The following CFLAR variants were observed in gnomAD, a reference collection of about 807,000 sequenced individuals.
The protein encoded by CFLAR is CASP8 and FADD like apoptosis regulator.
CFLAR carries 14 observed loss-of-function variants against 51.1 expected under a neutral mutation model. The observed-to-expected ratio is 0.27, with a 90% confidence interval of 0.18 to 0.43. The LOEUF is 0.43. CFLAR is among the 20% of genes least tolerant of loss of function. The pLI, the probability that CFLAR is intolerant of heterozygous loss-of-function variation, is 1.00. For missense variants in CFLAR, 390 were observed against 566.5 expected, an observed-to-expected ratio of 0.69 and a Z score of 3.16; for synonymous variants, 210 against 211.6, an observed-to-expected ratio of 0.99 and a Z score of 0.06.
In CFLAR at chr2:201,167,861, C is replaced by T. The variant is rs142194400; in HGVS notation, c.*3888C>T. 4.3e-4 allele frequency: 65 copies of T among 152,320 alleles called. No individual in the cohort carries two copies. Among genetic ancestry groups the T allele is most frequent in the African/African-American group, 1.3e-3 (55 of 41,556 alleles). The allele number at this position is 152,320 out of a possible 1,614,324, so 9.4% of individuals were successfully genotyped here. A position where few individuals can be genotyped will look rare whatever the true frequency, so the allele number is the denominator to read the frequency against. ...TCACTGTGTCAGCCCTAATTACCTA[C>T]CTCTGGACTTTTATGTGAGGGGAAA... is the stretch of plus-strand genomic sequence containing the variant. On this transcript the variant is annotated 3_prime_UTR_variant, in exon 10 of 10. Transcript: ENST00000309955.
intron 5 of CFLAR, chr2:201,141,954 C>T (rs1135266): frequency 0.055 from 8,306 of 152,142 alleles, 349 homozygotes; most frequent in Non-Finnish European, 0.087. Flanking sequence ...TCAGTTTTTG[C>T]CAGAAAGCCC....
Position 201,176,159 on chromosome 2 carries a change from G to C in CFLAR, c.*12186G>C, listed in dbSNP as rs773763671. ...GGTGACCTGAGAAACCAGGTGCAGG[G>C]CTTGCCCTCTTGACTTGGGGTTTTA... On this transcript the variant is annotated 3_prime_UTR_variant, in exon 10 of 10. Coordinates refer to ENST00000309955, the MANE Select transcript of CFLAR (RefSeq NM_003879.7). 2 of 152,064 alleles carry C rather than the reference G, an allele frequency of 1.3e-5. No individual in the cohort carries two copies. The highest frequency in any genetic ancestry group is 2.4e-5 in the African/African-American group (1 of 41,378). The allele number at this position is 152,064 out of a possible 1,614,324, so 9.4% of individuals were successfully genotyped here.
chr2:201,133,013 C>A lies in CFLAR; in HGVS notation c.282-16C>A. On this transcript the variant is annotated splice_polypyrimidine_tract_variant and intron_variant, in intron 2 of 9. Transcript: ENST00000309955. ...CTGATGTCTGAATTAACTAAATGAACTTGTCTGGTTTGCAGAGTGCTGATG... is the reference window on the plus strand; with the variant it reads ...CTGATGTCTGAATTAACTAAATGAAATTGTCTGGTTTGCAGAGTGCTGATG... 1 of 1,605,162 alleles carries A rather than the reference C, an allele frequency of 6.2e-7. No homozygotes were observed. The highest frequency in any genetic ancestry group is 8.5e-7 in the Non-Finnish European group (1 of 1,172,512).
Position 201,133,012 on chromosome 2 carries a change from A to G in CFLAR, c.282-17A>G. The G allele has an allele frequency of 1.2e-6, 2 of 1,606,016 alleles. No homozygotes were observed. The highest frequency in any genetic ancestry group is 1.1e-5 in the South Asian group (1 of 90,518). On this transcript the variant is annotated splice_polypyrimidine_tract_variant and intron_variant, in intron 2 of 9. Coordinates refer to ENST00000309955, the MANE Select transcript of CFLAR (RefSeq NM_003879.7). ...ACTGATGTCTGAATTAACTAAATGAACTTGTCTGGTTTGCAGAGTGCTGAT... is the reference window on the plus strand; with the variant it reads ...ACTGATGTCTGAATTAACTAAATGAGCTTGTCTGGTTTGCAGAGTGCTGAT...
Position 201,160,763 on chromosome 2 carries a change from G to A in CFLAR, c.1125G>A (p.Val375=), listed in dbSNP as rs151223777. The A allele has an allele frequency of 2.0e-3, 3,256 of 1,614,100 alleles. 75 individuals carry two copies. The Admixed American group carries it at 0.033, about 16-fold the overall frequency. ...TGGAGGACAGCAGCCTCTTGGAGGT[G>A]GATGGGCCAGCGATGAAGAATGTGG... The part of the protein sequence containing the change: ...GQLEDSSLLE[V]DGPAMKNVEF... Residue 375 remains valine (V), a synonymous_variant, in exon 9 of 10, where the codon GTG becomes GTA. Coordinates refer to ENST00000309955, the MANE Select transcript of CFLAR (RefSeq NM_003879.7).
chr2:201,146,517 A>T (rs546251721), intron 6 of CFLAR: 1 of 152,364 alleles, frequency 6.6e-6, no homozygotes, highest in East Asian at 1.9e-4. Flanking sequence ...TGCTGACCTC[A>T]AGTAATCCAC....
chr2:201,169,708 T>G lies in CFLAR; in HGVS notation c.*5735T>G, dbSNP rs991519200. 2 of 152,166 alleles carry G rather than the reference T, an allele frequency of 1.3e-5. No individual in the cohort carries two copies. The highest frequency in any genetic ancestry group is 4.8e-5 in the African/African-American group (2 of 41,436). 9.4% of individuals were successfully genotyped at this position (152,166 alleles called of 1,614,324 possible). ...AGAACATTTTTGCAATCTATCCATC[T>G]GACAAAGGTCTAATATCCAGAACCT... On this transcript the variant is annotated 3_prime_UTR_variant, in exon 10 of 10. Transcript: ENST00000309955.
chr2:201,130,353 CTTTTTTT>C lies in CFLAR; in HGVS notation c.281+227_281+233del, dbSNP rs771361555. Among the ~76,000 whole-genome samples the C allele has an allele frequency of 2.7e-3, 248 of 92,276 alleles. 1 individual carries two copies. The highest frequency in any genetic ancestry group is 0.01 in the African/African-American group (211 of 20,744). The allele number at this position is 92,276 out of a possible 152,430, so 60.5% of individuals were successfully genotyped here. A position where few individuals can be genotyped will look rare whatever the true frequency, so the allele number is the denominator to read the frequency against. Reference sequence around the variant, plus strand: ...TTTCTTGCTTTCTTTTTCTTTCTTTCTTTTTTTTTTTTTTTTTTTTTTTTTTGAGACA... The same window carrying C: ...TTTCTTGCTTTCTTTTTCTTTCTTTCTTTTTTTTTTTTTTTTTTTGAGACA... On this transcript the variant is annotated intron_variant, in intron 2 of 9. Coordinates refer to ENST00000309955, the MANE Select transcript of CFLAR (RefSeq NM_003879.7).
At chr2:201,135,873 T>C (rs2050046101) in intron 3 of CFLAR, 99 bp from the exon 4 acceptor site, 2 of 1,504,392 alleles carry the variant, frequency 1.3e-6, no homozygotes, top group Non-Finnish European at 1.8e-6. Context: ...GCAGTCTTCC[T>C]GCCTCAGCCT....
intron 4 of CFLAR, chr2:201,139,353 A>G: frequency 4.6e-6 from 1 of 216,558 alleles, no homozygotes; most frequent in Admixed American, 5.2e-5. Flanking sequence ...GTTTCTCCCC[A>G]TGTGATAGTC....
intron 8 of CFLAR, chr2:201,152,923 A>G (rs575170158): frequency 6.6e-6 from 1 of 152,400 alleles, no homozygotes; most frequent in South Asian, 2.1e-4. Flanking sequence ...TCTTGACTGC[A>G]CTGGTACATC....
chr2:201,149,763 GAAGA>G lies in CFLAR; in HGVS notation c.722_725del (p.Glu241GlyfsTer5). 6.2e-7 allele frequency: 1 copy of G among 1,612,904 alleles called. No individual in the cohort carries two copies. The highest frequency in any genetic ancestry group is 8.5e-7 in the Non-Finnish European group (1 of 1,178,978). On this transcript the variant is annotated frameshift_variant, in exon 8 of 10. Coordinates refer to ENST00000309955, the MANE Select transcript of CFLAR (RefSeq NM_003879.7). LOFTEE classifies it high-confidence loss of function. Reference sequence around the variant, plus strand: ...TTGTCTTCCTTTCCAGAGCATACCTGAAGAGAGATACAAGATGAAGAGCAAGCCC... The same window carrying G: ...TTGTCTTCCTTTCCAGAGCATACCTGGAGATACAAGATGAAGAGCAAGCCC...
rs958220150 is a variant in CFLAR, at chr2:201,138,667, A to G, written c.524-1690A>G. 5.5e-5 allele frequency: 57 copies of G among 1,028,334 alleles called. No homozygotes were observed. The highest frequency in any genetic ancestry group is 3.0e-4 in the Middle Eastern group (1 of 3,336). 63.7% of individuals were successfully genotyped at this position (1,028,334 alleles called of 1,614,324 possible). Reference sequence around the variant, plus strand: ...AAGCCATGACGCATCTTGGCCTCCAACACATCACCCACAGTGTGCAAGGGG... The same window carrying G: ...AAGCCATGACGCATCTTGGCCTCCAGCACATCACCCACAGTGTGCAAGGGG... On this transcript the variant is annotated intron_variant, in intron 4 of 9. Transcript: ENST00000309955. The surrounding 1 kb of genome is among the most constrained non-coding windows in gnomAD (Gnocchi z 4.0).
In CFLAR at chr2:201,169,197, C is replaced by G. The variant is rs1943860284; in HGVS notation, c.*5224C>G. 1 of 152,138 alleles carries G rather than the reference C, an allele frequency of 6.6e-6. No homozygotes were observed. The highest frequency in any genetic ancestry group is 2.4e-5 in the African/African-American group (1 of 41,418). The allele number at this position is 152,138 out of a possible 1,614,324, so 9.4% of individuals were successfully genotyped here. ...GAACAAAGCTGGAAGCATCACACTA[C>G]CCAACTTCAAAGTATACTGCAAGGC... On this transcript the variant is annotated 3_prime_UTR_variant, in exon 10 of 10. Coordinates refer to ENST00000309955, the MANE Select transcript of CFLAR (RefSeq NM_003879.7).
At chr2:201,117,565 C>T (rs1005801415) in intron 1 of CFLAR, among the ~76,000 whole-genome samples, 6 of 152,110 alleles carry the variant, frequency 3.9e-5, no homozygotes, top group Admixed American at 1.3e-4. Flanking sequence ...ATAAGTAAAG[C>T]TTTTTGGACA....
At chr2:201,158,606 C>T (rs1942562104) in intron 8 of CFLAR, among the ~76,000 whole-genome samples, 1 of 152,072 alleles carries the variant, frequency 6.6e-6, no homozygotes, top group Non-Finnish European at 1.5e-5. Flanking sequence ...GAGTCCTAGT[C>T]CAGGTTCTCT....
intron 8 of CFLAR, among the ~76,000 whole-genome samples, chr2:201,152,255 C>T (rs1941407579): frequency 6.6e-6 from 1 of 152,108 alleles, no homozygotes; most frequent in East Asian, 1.9e-4. Flanking sequence ...CTCGGCCTCC[C>T]AAAGTGCTGG....
In CFLAR at chr2:201,138,164, A is replaced by G. The variant is rs566990684; in HGVS notation, c.523+2057A>G. On this transcript the variant is annotated intron_variant, in intron 4 of 9. Coordinates refer to ENST00000309955, the MANE Select transcript of CFLAR (RefSeq NM_003879.7). This position sits in a 1 kb window ranked among gnomAD's most constrained non-coding sequence, Gnocchi z 4.0. ...GGCTGCTGTCACCACGTTCCCCCCA[A>G]TCACCTGGAGGTGGGGTTACTTTTG... The G allele has an allele frequency of 6.3e-5, 57 of 903,504 alleles. No homozygotes were observed. The highest frequency in any genetic ancestry group is 3.4e-4 in the South Asian group (26 of 77,066). The allele number at this position is 903,504 out of a possible 1,614,324, so 56.0% of individuals were successfully genotyped here.
At chr2:201,128,886 C>T (rs537358051) in intron 1 of CFLAR, among the ~76,000 whole-genome samples, 20 of 152,164 alleles carry the variant, frequency 1.3e-4, no homozygotes, top group Non-Finnish European at 2.2e-4. Context: ...AAGAACACAC[C>T]CATTGCATGA....
Sources: allele counts gnomAD v4.1 joint callset (sites outside exome capture counted in the v4.1 genomes callset), GRCh38; gene constraint gnomAD v4.1.1; non-coding constraint Gnocchi (gnomAD v3.1); transcripts MANE v1.5; gene names NCBI Gene and HGNC (gene_info 2026-07-23, HGNC 2026-07-21).